UVRAG: variants seen among roughly 807,000 people sequenced by gnomAD.
UVRAG encodes the protein UV radiation resistance associated, also known as UV radiation resistance-associated gene protein.
A neutral mutation model predicts 78.0 loss-of-function variants in UVRAG; 19 were observed. The observed-to-expected ratio is 0.24, with a 90% CI of 0.17 to 0.36. The LOEUF is 0.36. Among genes scored for constraint, UVRAG ranks in the 10% least tolerant of loss-of-function variants. The pLI is 1.00. For synonymous variants in UVRAG, 323 were observed against 324.6 expected, an observed-to-expected ratio of 1.00 and a Z score of 0.05; for missense variants, 740 against 853.8, an observed-to-expected ratio of 0.87 and a Z score of 1.66.
intron 5 of UVRAG, among the ~76,000 whole-genome samples, chr11:75,907,762 C>G (rs1385807672): frequency 2.0e-5 from 3 of 151,776 alleles, no homozygotes; most frequent in Non-Finnish European, 2.9e-5. Flanking sequence ...CTCCTGGGCT[C>G]TAGTGATCCT....
chr11:75,920,687 C>A (rs575603086), intron 6 of UVRAG, among the ~76,000 whole-genome samples: 1 of 152,086 alleles, frequency 6.6e-6, no homozygotes, highest in South Asian at 2.1e-4. Flanking sequence ...GATATGTATC[C>A]ATCTGTATTT....
chr11:75,990,066 G>A (rs1392536264), intron 8 of UVRAG, among the ~76,000 whole-genome samples: 1 of 152,214 alleles, frequency 6.6e-6, no homozygotes, highest in African/African-American at 2.4e-5. Flanking sequence ...TGGCAAGAGT[G>A]TATTTGGAAT....
chr11:75,983,346 C>T (rs765592156), intron 7 of UVRAG, 41 bp from the exon 8 acceptor site: 94 of 1,495,668 alleles, frequency 6.3e-5, no homozygotes, highest in Non-Finnish European at 7.8e-5. Context: ...ATAGTCATGA[C>T]ATTTATATTC....
At chr11:75,903,738 A>G (rs575160632) in intron 5 of UVRAG, among the ~76,000 whole-genome samples, 100 of 152,240 alleles carry the variant, frequency 6.6e-4, no homozygotes, top group Non-Finnish European at 1.1e-3. Flanking sequence ...TGGAACCTTC[A>G]CTGGGTTGTG....
intron 8 of UVRAG, among the ~76,000 whole-genome samples, chr11:75,999,456 T>C (rs773509860): frequency 5.9e-5 from 9 of 151,674 alleles, no homozygotes; most frequent in Admixed American, 2.0e-4. Context: ...AATCTCGGCT[T>C]ACTGCAACCT....
intron 8 of UVRAG, among the ~76,000 whole-genome samples, chr11:75,984,747 T>C (rs766946306): frequency 6.6e-6 from 1 of 152,248 alleles, no homozygotes; most frequent in Non-Finnish European, 1.5e-5. Flanking sequence ...GAATCATATA[T>C]GTACATGTGG....
intron 13 of UVRAG, among the ~76,000 whole-genome samples, chr11:76,102,520 A>T: frequency 6.6e-6 from 1 of 152,066 alleles, no homozygotes; most frequent in African/African-American, 2.4e-5. Context: ...GCAAACAGGG[A>T]GAGTTTGACT....
chr11:75,909,168 T>C lies in UVRAG; in HGVS notation c.508-2786T>C, dbSNP rs141937132. 7.6e-3 allele frequency among the ~76,000 whole-genome samples: 1,163 copies of C among 152,080 alleles called. 5 individuals are homozygous for C. The highest frequency in any genetic ancestry group is 0.011 in the Non-Finnish European group (724 of 67,976). On this transcript the variant is annotated intron_variant, in intron 5 of 14. Transcript: ENST00000356136. ...TTAAAGAGCAGCCTTGGCAACATAG[T>C]AAGACACCCTTCTCTATAAAAAATT... is the stretch of plus-strand genomic sequence containing the variant.
At chr11:75,870,398 A>G (rs1352018442) in intron 3 of UVRAG, among the ~76,000 whole-genome samples, 2 of 151,948 alleles carry the variant, frequency 1.3e-5, no homozygotes, top group Admixed American at 6.6e-5. Flanking sequence ...TGCTACAACA[A>G]CCCCCAAGAG....
chr11:75,990,000 C>T (rs1370588064), intron 8 of UVRAG, among the ~76,000 whole-genome samples: 2 of 152,076 alleles, frequency 1.3e-5, no homozygotes. Flanking sequence ...TGGTGTATTT[C>T]ACATAGTTGA....
At chr11:75,895,986 TGAG>T (rs1241974859) in intron 5 of UVRAG, among the ~76,000 whole-genome samples, 1 of 152,208 alleles carries the variant, frequency 6.6e-6, no homozygotes. Flanking sequence ...TTTTCTTTGT[TGAG>T]GAGATAAGAC....
intron 5 of UVRAG, among the ~76,000 whole-genome samples, chr11:75,903,997 A>G (rs1947564094): frequency 6.6e-6 from 1 of 152,252 alleles, no homozygotes; most frequent in Admixed American, 6.5e-5. Flanking sequence ...ATGAACTAGT[A>G]CAGGGATAAG....
At chr11:75,923,756 T>C (rs1343417429) in intron 6 of UVRAG, among the ~76,000 whole-genome samples, 1 of 152,190 alleles carries the variant, frequency 6.6e-6, no homozygotes, top group Non-Finnish European at 1.5e-5. Flanking sequence ...TGTTTTTTGG[T>C]AGGAAACCAC....
chr11:75,863,153 T>G (rs1039824543), intron 3 of UVRAG, among the ~76,000 whole-genome samples: 1 of 152,246 alleles, frequency 6.6e-6, no homozygotes, highest in Non-Finnish European at 1.5e-5. Context: ...TCAATAGATT[T>G]GGATTCTAGG....
Position 76,142,433 on chromosome 11 carries a change from G to A in UVRAG, c.*1020G>A, listed in dbSNP as rs1249912053. The A allele has an allele frequency of 6.6e-6, 1 of 152,520 alleles. No individual in the cohort carries two copies. The highest frequency in any genetic ancestry group is 1.5e-5 in the Non-Finnish European group (1 of 68,040). 9.4% of individuals were successfully genotyped at this position (152,520 alleles called of 1,614,324 possible). ...GCAGTTGAGATAGTTGGATTAAGAG[G>A]CTAGACGAGACATAGAATACTATTG... On this transcript the variant is annotated 3_prime_UTR_variant, in exon 15 of 15. Coordinates refer to ENST00000356136, the MANE Select transcript of UVRAG (RefSeq NM_003369.4).
At chr11:75,921,874 T>C (rs1249226141) in intron 6 of UVRAG, among the ~76,000 whole-genome samples, 1 of 152,156 alleles carries the variant, frequency 6.6e-6, no homozygotes, top group Non-Finnish European at 1.5e-5. Flanking sequence ...GATCTATTTC[T>C]GGATTCGCTC....
At chr11:76,134,299 T>C (rs7929964) in intron 14 of UVRAG, among the ~76,000 whole-genome samples, 8,771 of 147,224 alleles carry the variant, frequency 0.06, 515 homozygotes, top group African/African-American at 0.15. Flanking sequence ...GGAGTCTTAC[T>C]TTCATCCAAG....
At chr11:76,088,216 A>C (rs1010436156) in intron 13 of UVRAG, among the ~76,000 whole-genome samples, 6 of 152,214 alleles carry the variant, frequency 3.9e-5, no homozygotes, top group African/African-American at 1.2e-4. Context: ...TAATGACATC[A>C]GTGATACCAT....
chr11:76,114,684 T>C (rs930678556), intron 13 of UVRAG, among the ~76,000 whole-genome samples: 50 of 152,000 alleles, frequency 3.3e-4, no homozygotes, highest in African/African-American at 1.1e-3. Context: ...TCAGTGAGAG[T>C]GAACTCTTTC....
Sources: allele counts gnomAD v4.1 joint callset (sites outside exome capture counted in the v4.1 genomes callset), GRCh38; gene constraint gnomAD v4.1.1; transcripts MANE v1.5; gene names NCBI Gene and HGNC (gene_info 2026-07-23, HGNC 2026-07-21).